COCH: variants seen among roughly 807,000 people sequenced by gnomAD.
The protein encoded by COCH is cochlin, also known as coagulation factor C homolog, cochlin (Limulus polyphemus).
Under a neutral mutation model 54.8 loss-of-function variants are expected in COCH, and 40 were observed. That is an observed-to-expected ratio of 0.73 (90% CI 0.57 to 0.95). COCH has a LOEUF of 0.95. Among genes scored for constraint, COCH ranks in the 40% least tolerant of loss-of-function variants. The pLI is 0.00. For missense variants in COCH, 605 were observed against 675.0 expected (o/e 0.90, Z 1.15); for synonymous variants, 256 against 237.9 (o/e 1.08, Z -0.70).
At position 30,877,596 on chromosome 14, in the gene COCH, C is replaced by T. The variant is rs1232040436; in HGVS notation, c.107C>T (p.Thr36Ile). The change falls in exon 4 of 12, where the codon ACC becomes ATC. Residue 36 changes from threonine (T) to isoleucine (I), a missense_variant. Physicochemically the swap from Thr to Ile is moderately conservative, Grantham distance 89. Transcript: ENST00000396618. The surrounding 1 kb of genome is among the most constrained non-coding windows in gnomAD (Gnocchi z 8.6). ...GAAPIAITCF[T>I]RGLDIRKEKA... ...GCTCCCATTGCTATCACATGTTTTA[C>T]CAGAGGCTTGGACATCAGGAAAGAG... 1 of 1,614,058 alleles carries T rather than the reference C, an allele frequency of 6.2e-7. No homozygotes were observed. The highest frequency in any genetic ancestry group is 1.3e-5 in the African/African-American group (1 of 74,912).
Position 30,890,224 on chromosome 14 carries a change from G to A in COCH, c.*433G>A, listed in dbSNP as rs1430454338. On this transcript the variant is annotated 3_prime_UTR_variant, in exon 12 of 12. Coordinates refer to ENST00000396618, the MANE Select transcript of COCH (RefSeq NM_004086.3). ...TTAAATGAACACAGCTCTTTAACAT[G>A]GTTCAGGTACACATATTTTGACCCA... 5.1e-6 allele frequency: 5 copies of A among 989,320 alleles called. No homozygotes were observed. The highest frequency in any genetic ancestry group is 6.0e-6 in the Non-Finnish European group (5 of 832,232). 61.3% of individuals were successfully genotyped at this position (989,320 alleles called of 1,614,324 possible). A position where few individuals can be genotyped will look rare whatever the true frequency, so the allele number is the denominator to read the frequency against.
chr14:30,876,963 C>T (rs900920406), intron 3 of COCH, among the ~76,000 whole-genome samples: 4 of 151,660 alleles, frequency 2.6e-5, no homozygotes, highest in Non-Finnish European at 4.4e-5. Context: ...CACGTGTGGC[C>T]ATTTAAAAAA....
chr14:30,888,476 C>T (rs1446808072), intron 11 of COCH, among the ~76,000 whole-genome samples: 1 of 151,946 alleles, frequency 6.6e-6, no homozygotes, highest in Non-Finnish European at 1.5e-5. Context: ...AGATGGTACT[C>T]TACACTAAGA....
At chr14:30,886,898 T>C (rs759651891) in intron 11 of COCH, among the ~76,000 whole-genome samples, 89 of 152,242 alleles carry the variant, frequency 5.8e-4, no homozygotes, top group Non-Finnish European at 7.1e-4. Flanking sequence ...TTAAATTTTT[T>C]TGGGGAGAGA....
rs1895928808 is a variant in COCH, at chr14:30,889,966, T to G, written c.*175T>G. 7 of 1,374,464 alleles carry G rather than the reference T, an allele frequency of 5.1e-6. No homozygotes were observed. The highest frequency in any genetic ancestry group is 6.6e-6 in the Non-Finnish European group (7 of 1,064,132). 85.1% of individuals were successfully genotyped at this position (1,374,464 alleles called of 1,614,324 possible). A position where few individuals can be genotyped will look rare whatever the true frequency, so the allele number is the denominator to read the frequency against. On this transcript the variant is annotated 3_prime_UTR_variant, in exon 12 of 12. Coordinates refer to ENST00000396618, the MANE Select transcript of COCH (RefSeq NM_004086.3). ...TAAAGCCGCTGCCTTCTGGTTACAA[T>G]TTACAGTGTACTTTGTTAAAAACAC...
intron 9 of COCH, 86 bp from the exon 10 acceptor site, chr14:30,885,308 C>T: frequency 1.7e-6 from 2 of 1,210,296 alleles, no homozygotes; most frequent in Non-Finnish European, 2.4e-6. Context: ...AATTCTTAAA[C>T]TTTGCAGCAT....
intron 8 of COCH, among the ~76,000 whole-genome samples, chr14:30,884,026 A>C (rs565184666): frequency 9.9e-4 from 151 of 152,300 alleles, no homozygotes; most frequent in Middle Eastern, 3.4e-3. Flanking sequence ...GGGGTCCCAC[A>C]CTGGAACAGA....
In COCH at chr14:30,874,569, G is replaced by T; in HGVS notation, c.-46G>T. ...GGGGCCTTGCCTTCCGCACTCGGGC[G>T]CAGCCGGGTGGATCTCGAGCAGGTG... On this transcript the variant is annotated 5_prime_UTR_variant, in exon 1 of 12. Transcript: ENST00000396618. 1 of 420,134 alleles carries T rather than the reference G, an allele frequency of 2.4e-6. No individual in the cohort carries two copies. Among genetic ancestry groups the T allele is most frequent in the East Asian group, 5.1e-5 (1 of 19,660 alleles). The allele number at this position is 420,134 out of a possible 1,614,324, so 26.0% of individuals were successfully genotyped here.
intron 9 of COCH, chr14:30,885,110 C>G (rs1895737982): frequency 5.1e-6 from 8 of 1,553,578 alleles, no homozygotes; most frequent in Non-Finnish European, 6.0e-6. Flanking sequence ...TTTTGTGTTT[C>G]TAACTGGCGA....
intron 8 of COCH, chr14:30,884,335 G>A (rs1288893129): frequency 3.7e-6 from 2 of 534,130 alleles, no homozygotes; most frequent in African/African-American, 3.8e-5. Context: ...TTATTACCCA[G>A]AATATAATAA....
At chr14:30,882,120 G>GTTTTTTGTTTTTTT (rs1895618463) in intron 8 of COCH, among the ~76,000 whole-genome samples, 1 of 67,892 alleles carries the variant, frequency 1.5e-5, no homozygotes, top group Non-Finnish European at 2.7e-5. Flanking sequence ...CTATAAAATG[G>GTTTTTTGTTTTTTT]TTTTTTTTTT....
intron 11 of COCH, among the ~76,000 whole-genome samples, chr14:30,887,926 G>A (rs1389341004): frequency 6.6e-6 from 1 of 152,174 alleles, no homozygotes; most frequent in African/African-American, 2.4e-5. Flanking sequence ...TAACAGGATT[G>A]TATTCAGGCT....
chr14:30,888,197 T>C (rs1895856566), intron 11 of COCH, among the ~76,000 whole-genome samples: 1 of 151,772 alleles, frequency 6.6e-6, no homozygotes, highest in African/African-American at 2.4e-5. Context: ...AATGTAGAAC[T>C]GAAAAGAAGT....
chr14:30,894,913 C>G (rs868634240), downstream of COCH: 4 of 999,760 alleles, frequency 4.0e-6, no homozygotes, highest in Non-Finnish European at 5.0e-6. Context: ...TTTTTTAAAG[C>G]AAAATAAGTT....
intron 3 of COCH, chr14:30,875,625 A>G (rs2138828289): frequency 3.4e-6 from 1 of 292,790 alleles, no homozygotes; most frequent in Non-Finnish European, 6.2e-6. Flanking sequence ...TCGCGGTCTC[A>G]CTCTACACGC....
rs939220614 is a variant in COCH at position 30,874,811 on chromosome 14, C to A, written c.-23-105C>A. Reference sequence around the variant, plus strand: ...GAGCAGCGGGTCGTCTGTGTCCTCTCTCCTCTGCGCCGCGCCCGGGGATCC... The same window carrying A: ...GAGCAGCGGGTCGTCTGTGTCCTCTATCCTCTGCGCCGCGCCCGGGGATCC... On this transcript the variant is annotated intron_variant, in intron 1 of 11. Transcript: ENST00000396618. 4 of 1,090,884 alleles carry A rather than the reference C, an allele frequency of 3.7e-6. No individual in the cohort carries two copies. In the Admixed American group the frequency reaches 5.3e-5, roughly 15 times the overall value. 67.6% of individuals were successfully genotyped at this position (1,090,884 alleles called of 1,614,324 possible).
chr14:30,876,979 T>A (rs1167585473), intron 3 of COCH, among the ~76,000 whole-genome samples: 1 of 152,024 alleles, frequency 6.6e-6, no homozygotes, highest in Non-Finnish European at 1.5e-5. Context: ...AAAAAAATTT[T>A]TTTTTTTTAG....
At chr14:30,881,815 T>A (rs1322618222) in intron 8 of COCH, among the ~76,000 whole-genome samples, 1 of 148,178 alleles carries the variant, frequency 6.7e-6, no homozygotes, top group Non-Finnish European at 1.5e-5. Context: ...AAAAAAAAAA[T>A]TAGCCGGGCG....
At chr14:30,878,988 C>A in intron 5 of COCH, 44 bp downstream of exon 5, 1 of 1,610,728 alleles carries the variant, frequency 6.2e-7, no homozygotes, top group East Asian at 2.2e-5. Context: ...TCTCCCACCC[C>A]CCAAACGTTT....
Sources: gnomAD v4.1 joint callset for allele counts (sites outside exome capture counted in the v4.1 genomes callset) on GRCh38, gnomAD v4.1.1 for gene constraint, Gnocchi (gnomAD v3.1) non-coding constraint, MANE v1.5 for transcripts, NCBI Gene and HGNC (gene_info 2026-07-23, HGNC 2026-07-21) for gene names.